HHAT: variants seen among roughly 807,000 people sequenced by gnomAD.
HHAT encodes hedgehog acyltransferase, also known as protein-cysteine N-palmitoyltransferase HHAT.
Under a neutral mutation model 70.8 loss-of-function variants are expected in HHAT, and 47 were observed. The ratio of observed to expected loss-of-function variants is 0.66; its 90% CI spans 0.53 to 0.85. HHAT has a LOEUF of 0.85. Ranked by LOEUF, HHAT falls within the 40% of genes least tolerant of loss-of-function variation. The pLI is 0.00. For missense variants in HHAT, 609 were observed against 604.8 expected, an observed-to-expected ratio of 1.01 and a Z score of -0.07; for synonymous variants, 228 against 247.6, an observed-to-expected ratio of 0.92 and a Z score of 0.74.
intron 10 of HHAT, among the ~76,000 whole-genome samples, chr1:210,592,680 C>T (rs546556660): frequency 6.6e-6 from 1 of 151,822 alleles, no homozygotes; most frequent in South Asian, 2.1e-4. Context: ...GAATATCTTT[C>T]CATTTTTTGT....
rs1162494283 is a variant in HHAT at position 210,675,241 on chromosome 1, T to G, written c.*862T>G. ...CAAAAGTCATCCTCCTACTCAGTGATTCACGTTTAGTGGTTTATATTATTA... is the reference window on the plus strand; with the variant it reads ...CAAAAGTCATCCTCCTACTCAGTGAGTCACGTTTAGTGGTTTATATTATTA... On this transcript the variant is annotated 3_prime_UTR_variant, in exon 12 of 12. Transcript: ENST00000261458. 2 of 152,264 alleles carry G rather than the reference T, an allele frequency of 1.3e-5. No homozygotes were observed. The highest frequency in any genetic ancestry group is 4.8e-5 in the African/African-American group (2 of 41,470). The allele number at this position is 152,264 out of a possible 1,614,324, so 9.4% of individuals were successfully genotyped here.
chr1:210,573,377 G>A (rs1422301246), intron 9 of HHAT, among the ~76,000 whole-genome samples: 1 of 152,130 alleles, frequency 6.6e-6, no homozygotes, highest in Non-Finnish European at 1.5e-5. Context: ...GAACACACTG[G>A]AATTGAAGTG....
intron 8 of HHAT, among the ~76,000 whole-genome samples, chr1:210,512,626 G>A (rs561318068): frequency 6.9e-6 from 1 of 144,230 alleles, no homozygotes; most frequent in Non-Finnish European, 1.5e-5. Context: ...AAATGTGATC[G>A]CACCGCTGCA....
chr1:210,416,965 G>A (rs1368386825), intron 6 of HHAT, among the ~76,000 whole-genome samples: 4 of 152,188 alleles, frequency 2.6e-5, no homozygotes, highest in East Asian at 1.9e-4. Context: ...TCACACAGCT[G>A]TGTAGTTTGT....
At chr1:210,349,691 C>T (rs1253071771) in intron 2 of HHAT, among the ~76,000 whole-genome samples, 4 of 142,624 alleles carry the variant, frequency 2.8e-5, no homozygotes, top group Non-Finnish European at 6.0e-5. Context: ...TCGCTCTTGT[C>T]GCCCAGGCTA....
intron 11 of HHAT, among the ~76,000 whole-genome samples, chr1:210,642,876 T>C (rs1673243593): frequency 6.6e-6 from 1 of 152,194 alleles, no homozygotes; most frequent in Non-Finnish European, 1.5e-5. Flanking sequence ...AGTTCCTTCA[T>C]TGTTAGTACT....
chr1:210,528,860 T>C (rs1224372514), intron 9 of HHAT, among the ~76,000 whole-genome samples: 2 of 152,156 alleles, frequency 1.3e-5, no homozygotes, highest in Non-Finnish European at 2.9e-5. Flanking sequence ...TATGTCCTGG[T>C]TTATCAGCAA....
intron 3 of HHAT, among the ~76,000 whole-genome samples, chr1:210,364,257 A>G (rs1291503403): frequency 6.6e-6 from 1 of 152,190 alleles, no homozygotes; most frequent in Non-Finnish European, 1.5e-5. Flanking sequence ...TGTTAATAAG[A>G]ATGTAATGTG....
chr1:210,592,479 T>G (rs577353490), intron 10 of HHAT, among the ~76,000 whole-genome samples: 50 of 152,276 alleles, frequency 3.3e-4, no homozygotes, highest in African/African-American at 1.1e-3. Flanking sequence ...TCCTCCAGTT[T>G]TGTAATTTTT....
chr1:210,411,202 G>A (rs1485380443), intron 6 of HHAT, among the ~76,000 whole-genome samples: 3 of 152,128 alleles, frequency 2.0e-5, no homozygotes, highest in African/African-American at 7.2e-5. Flanking sequence ...GCCTCCTCCT[G>A]GCTCCCTTCC....
intron 3 of HHAT, among the ~76,000 whole-genome samples, chr1:210,373,842 C>T (rs182284575): frequency 1.2e-4 from 18 of 152,240 alleles, no homozygotes; most frequent in Non-Finnish European, 2.4e-4. Context: ...GACAGGCAAC[C>T]AGAAATTCTC....
intron 8 of HHAT, among the ~76,000 whole-genome samples, chr1:210,499,453 A>G (rs1393066727): frequency 1.3e-5 from 2 of 152,194 alleles, no homozygotes; most frequent in Non-Finnish European, 1.5e-5. Context: ...CCTGGCCAAC[A>G]TGGTGAAACC....
intron 8 of HHAT, among the ~76,000 whole-genome samples, chr1:210,474,225 G>A (rs950799932): frequency 3.9e-5 from 6 of 152,120 alleles, no homozygotes; most frequent in East Asian, 1.9e-4. Flanking sequence ...TTAACAAACC[G>A]ATATTTTCTA....
At chr1:210,641,021 C>T (rs1007836491) in intron 11 of HHAT, among the ~76,000 whole-genome samples, 2 of 152,122 alleles carry the variant, frequency 1.3e-5, no homozygotes, top group African/African-American at 2.4e-5. Context: ...TGGGGTTTTA[C>T]GAGTTATCTG....
At chr1:210,637,190 A>G (rs1672027903) in intron 11 of HHAT, among the ~76,000 whole-genome samples, 1 of 152,142 alleles carries the variant, frequency 6.6e-6, no homozygotes. Context: ...TTTTTCTTCT[A>G]TCAAAATAAT....
At chr1:210,377,741 A>T (rs1370789135) in intron 3 of HHAT, among the ~76,000 whole-genome samples, 2 of 151,908 alleles carry the variant, frequency 1.3e-5, no homozygotes, top group East Asian at 3.9e-4. Context: ...CCCACAAAAC[A>T]CCTCCCCTTT....
At chr1:210,540,478 CAT>C (rs1418691310) in intron 9 of HHAT, among the ~76,000 whole-genome samples, 66 of 103,506 alleles carry the variant, frequency 6.4e-4, no homozygotes, top group African/African-American at 1.7e-3. Flanking sequence ...CACGCACACA[CAT>C]GCACACACAC....
intron 11 of HHAT, among the ~76,000 whole-genome samples, chr1:210,638,011 A>G (rs1356109754): frequency 6.6e-6 from 1 of 152,236 alleles, no homozygotes; most frequent in Non-Finnish European, 1.5e-5. Flanking sequence ...CTTCACAGCT[A>G]CTCAGATGGC....
intron 8 of HHAT, among the ~76,000 whole-genome samples, chr1:210,480,870 C>T (rs1358652457): frequency 6.6e-6 from 1 of 152,166 alleles, no homozygotes; most frequent in Non-Finnish European, 1.5e-5. Flanking sequence ...TGTCAGATCT[C>T]TGCTTCAGGG....
Sources: gnomAD v4.1 joint callset for allele counts (sites outside exome capture counted in the v4.1 genomes callset) on GRCh38, gnomAD v4.1.1 for gene constraint, MANE v1.5 for transcripts, NCBI Gene and HGNC (gene_info 2026-07-23, HGNC 2026-07-21) for gene names.